SAMD3: variants seen among roughly 807,000 people sequenced by gnomAD.
SAMD3 encodes sterile alpha motif domain containing 3.
A neutral mutation model predicts 58.5 loss-of-function variants in SAMD3; 63 were observed. The observed-to-expected ratio is 1.08, with a 90% CI of 0.88 to 1.33. The LOEUF (loss-of-function observed/expected upper bound fraction) is 1.33. Ranked by LOEUF, SAMD3 falls within the 40% of genes most tolerant of loss-of-function variation. The pLI, the probability that SAMD3 is intolerant of heterozygous loss-of-function variation, is 0.00. For missense variants in SAMD3, 604 were observed against 608.4 expected, an observed-to-expected ratio of 0.99 and a Z score of 0.08; for synonymous variants, 220 against 210.3, an observed-to-expected ratio of 1.05 and a Z score of -0.40.
chr6:130,176,058 T>C (rs1211281214), intron 7 of SAMD3, 50 bp from the exon 8 acceptor site: 4 of 1,443,890 alleles, frequency 2.8e-6, no homozygotes, highest in Middle Eastern at 1.8e-4. Context: ...GAGATAATCC[T>C]ATATAAACAA....
chr6:130,320,818 C>G (rs1488103513), intron 1 of SAMD3, among the ~76,000 whole-genome samples: 1 of 152,198 alleles, frequency 6.6e-6, no homozygotes, highest in African/African-American at 2.4e-5. Flanking sequence ...CACAGCAGGT[C>G]CATGTCTACC....
intron 2 of SAMD3, among the ~76,000 whole-genome samples, chr6:130,232,662 AC>A (rs11307243): frequency 0.14 from 21,678 of 152,140 alleles, 1,761 homozygotes; most frequent in East Asian, 0.36. Context: ...AAGTTACATA[AC>A]CCTAAACCTC....
intron 2 of SAMD3, among the ~76,000 whole-genome samples, chr6:130,239,248 C>T (rs567871586): frequency 2.0e-5 from 3 of 152,062 alleles, no homozygotes; most frequent in East Asian, 1.9e-4. Context: ...TCACTCTTTC[C>T]GGCATATTGT....
chr6:130,365,136 T>TC, exon 1 of SAMD3: 1 of 970,202 alleles, frequency 1.0e-6, no homozygotes, highest in Non-Finnish European at 1.2e-6. Flanking sequence ...GGCCTGCATA[T>TC]ATACAGTCAT....
upstream of SAMD3, among the ~76,000 whole-genome samples, chr6:130,227,175 C>T (rs1306632123): frequency 6.6e-6 from 1 of 152,158 alleles, no homozygotes; most frequent in Non-Finnish European, 1.5e-5. Context: ...TTTCTATCTC[C>T]ATGAATTTGA....
At chr6:130,180,953 C>CTTTCTTCTTT (rs56707260) in intron 7 of SAMD3, among the ~76,000 whole-genome samples, 1 of 117,362 alleles carries the variant, frequency 8.5e-6, no homozygotes, top group Admixed American at 9.1e-5. Context: ...TTCTTTCTTT[C>CTTTCTTCTTT]TTTTTTCTTT....
At chr6:130,334,268 T>G (rs1231405785) in intron 1 of SAMD3, among the ~76,000 whole-genome samples, 2 of 152,096 alleles carry the variant, frequency 1.3e-5, no homozygotes, top group Non-Finnish European at 2.9e-5. Flanking sequence ...TTAAACAAAT[T>G]ACTATCTCAG....
intron 1 of SAMD3, among the ~76,000 whole-genome samples, chr6:130,317,180 G>C (rs184949583): frequency 6.6e-6 from 1 of 152,170 alleles, no homozygotes; most frequent in African/African-American, 2.4e-5. Flanking sequence ...TCAGCAACTA[G>C]GTGATAAGGG....
chr6:130,257,659 T>G (rs1006066529), intron 2 of SAMD3, among the ~76,000 whole-genome samples: 1 of 152,142 alleles, frequency 6.6e-6, no homozygotes, highest in African/African-American at 2.4e-5. Flanking sequence ...GTTTTAATTT[T>G]TAGAAAAATC....
chr6:130,169,823 C>T (rs554152657), intron 8 of SAMD3, among the ~76,000 whole-genome samples: 216 of 152,228 alleles, frequency 1.4e-3, no homozygotes, highest in African/African-American at 4.8e-3. Flanking sequence ...CCTCTTATCC[C>T]GCGGACTGAC....
intron 2 of SAMD3, among the ~76,000 whole-genome samples, chr6:130,258,126 T>C (rs1773986621): frequency 6.6e-6 from 1 of 152,188 alleles, no homozygotes; most frequent in African/African-American, 2.4e-5. Context: ...GTTTTGACTA[T>C]TATCAATAAG....
intron 1 of SAMD3, among the ~76,000 whole-genome samples, chr6:130,323,585 T>C (rs1345882465): frequency 6.6e-6 from 1 of 151,854 alleles, no homozygotes; most frequent in Non-Finnish European, 1.5e-5. Flanking sequence ...GGCGGATCAC[T>C]TGAGGCCAGG....
chr6:130,165,319 A>G (rs531686245), intron 8 of SAMD3, among the ~76,000 whole-genome samples: 6 of 152,312 alleles, frequency 3.9e-5, no homozygotes, highest in Admixed American at 2.0e-4. Flanking sequence ...AAAATGATCT[A>G]TGCACCTACA....
rs576236470 is a variant in SAMD3 at position 130,149,624 on chromosome 6, T to C, written c.1024-3443A>G. On this transcript the variant is annotated intron_variant, in intron 9 of 11. Coordinates refer to ENST00000439090, the MANE Select transcript of SAMD3 (RefSeq NM_001017373.4). ...ATTAATGCAGGACTAGAAAACCAGATACTGCATGTTCTTTCTTATAAGTGG... is the reference window on the plus strand; with the variant it reads ...ATTAATGCAGGACTAGAAAACCAGACACTGCATGTTCTTTCTTATAAGTGG... Among the ~76,000 whole-genome samples, 25 of 152,274 alleles carry C rather than the reference T, an allele frequency of 1.6e-4. 1 individual carries two copies. In the East Asian group the frequency reaches 4.6e-3, roughly 28 times the overall value.
chr6:130,260,061 A>G (rs935964659), intron 2 of SAMD3, among the ~76,000 whole-genome samples: 5 of 152,218 alleles, frequency 3.3e-5, no homozygotes, highest in Non-Finnish European at 5.9e-5. Flanking sequence ...AGTCCTTTCT[A>G]TATCATAGAT....
At chr6:130,274,140 C>T (rs1313383694) in intron 2 of SAMD3, among the ~76,000 whole-genome samples, 1 of 152,098 alleles carries the variant, frequency 6.6e-6, no homozygotes, top group Non-Finnish European at 1.5e-5. Context: ...TTCTGAAGAA[C>T]AGTTTTGCTG....
intron 2 of SAMD3, among the ~76,000 whole-genome samples, chr6:130,282,427 G>C (rs1775013303): frequency 6.6e-6 from 1 of 152,142 alleles, no homozygotes; most frequent in Non-Finnish European, 1.5e-5. Flanking sequence ...AGCCTCCCCT[G>C]GTGGCAAACT....
intron 2 of SAMD3, among the ~76,000 whole-genome samples, chr6:130,236,822 C>CT (rs1325992264): frequency 1.3e-5 from 2 of 152,124 alleles, no homozygotes; most frequent in Non-Finnish European, 2.9e-5. Flanking sequence ...AAAGTTTTAA[C>CT]TTTTTTTGTT....
chr6:130,218,620 A>G (rs1796099895), intron 1 of SAMD3, among the ~76,000 whole-genome samples: 1 of 152,220 alleles, frequency 6.6e-6, no homozygotes, highest in Non-Finnish European at 1.5e-5. Context: ...AGAAGATAAG[A>G]TACATAGATA....
Sources: allele counts gnomAD v4.1 joint callset (sites outside exome capture counted in the v4.1 genomes callset), GRCh38; gene constraint gnomAD v4.1.1; transcripts MANE v1.5; gene names NCBI Gene and HGNC (gene_info 2026-07-23, HGNC 2026-07-21).